Variants in STXBP2 observed in about 807,000 individuals in gnomAD.
STXBP2 encodes syntaxin binding protein 2.
Under a neutral mutation model 72.2 loss-of-function variants are expected in STXBP2, and 47 were observed. That is an observed-to-expected ratio of 0.65 (90% CI 0.51 to 0.83). STXBP2 has a LOEUF of 0.83. Ranked by LOEUF, STXBP2 falls within the 40% of genes least tolerant of loss-of-function variation. The pLI, the probability that STXBP2 is intolerant of heterozygous loss-of-function variation, is 0.00. For synonymous variants in STXBP2, 367 were observed against 338.7 expected, an observed-to-expected ratio of 1.08 and a Z score of -0.92; for missense variants, 702 against 807.6, an observed-to-expected ratio of 0.87 and a Z score of 1.58.
intron 14 of STXBP2, 42 bp downstream of exon 14, chr19:7,644,794 A>G (rs1399083420): frequency 1.2e-6 from 2 of 1,612,732 alleles, no homozygotes; most frequent in Non-Finnish European, 1.7e-6. Context: ...CCCATTTGCC[A>G]GCGTCTCCCA....
rs1355022750 is a variant in STXBP2 at position 7,639,008 on chromosome 19, C to T, written c.88-11C>T. On this transcript the variant is annotated splice_polypyrimidine_tract_variant and intron_variant, in intron 2 of 18. Coordinates refer to ENST00000221283, the MANE Select transcript of STXBP2 (RefSeq NM_006949.4). ...CTGCTCCTCCATCCATCTGTCCATC[C>T]ATCTGGACAGGTGCTTATCATGGAT... The T allele has an allele frequency of 2.5e-6, 4 of 1,613,634 alleles. No individual in the cohort carries two copies. The highest frequency in any genetic ancestry group is 1.3e-5 in the African/African-American group (1 of 75,040).
chr19:7,630,119 G>T, the STXBP2 span: 1 of 491,700 alleles, frequency 2.0e-6, no homozygotes, highest in Non-Finnish European at 3.6e-6. Flanking sequence ...GAGCTGAGAA[G>T]GGGGCTCTAA....
chr19:7,632,228 G>A (rs1027720056), upstream of STXBP2, among the ~76,000 whole-genome samples: 1 of 152,160 alleles, frequency 6.6e-6, no homozygotes, highest in African/African-American at 2.4e-5. The surrounding 1 kb of genome is among the most constrained non-coding windows in gnomAD (Gnocchi z 5.2). Context: ...GTATAACCTT[G>A]GGCCCCTCTA....
chr19:7,644,605 T>G lies in STXBP2; in HGVS notation c.1108-9T>G. On this transcript the variant is annotated splice_polypyrimidine_tract_variant and intron_variant, in intron 13 of 18. Coordinates refer to ENST00000221283, the MANE Select transcript of STXBP2 (RefSeq NM_006949.4). ...AGCGGCCGGTGGACGGCTGACCCCA[T>G]GCCCGCAGGACCTGGCCATGGGCTC... 2.5e-6 allele frequency: 4 copies of G among 1,611,584 alleles called. No individual in the cohort carries two copies. Among genetic ancestry groups the G allele is most frequent in the Non-Finnish European group, 3.4e-6 (4 of 1,179,742 alleles).
At chr19:7,646,037 C>G (rs2032121522) in intron 15 of STXBP2, 3 of 597,054 alleles carry the variant, frequency 5.0e-6, no homozygotes, top group Non-Finnish European at 9.0e-6. Context: ...CTGGCTCGCT[C>G]TCTCTCCCTT....
rs765082151 is a variant in STXBP2, at chr19:7,640,313, CATCTGTGTGT to C, written c.247-417_247-408del. 64 of 510,442 alleles carry C rather than the reference CATCTGTGTGT, an allele frequency of 1.3e-4. 1 individual carries two copies. Among genetic ancestry groups the C allele is most frequent in the South Asian group, 9.8e-4 (61 of 62,208 alleles). The allele number at this position is 510,442 out of a possible 1,614,324, so 31.6% of individuals were successfully genotyped here. A position where few individuals can be genotyped will look rare whatever the true frequency, so the allele number is the denominator to read the frequency against. ...GTGCATGTGTCTATGTATGTGTGTGCATCTGTGTGTGCGTGTGTATGCGTGTGTGTATGCG... is the reference window on the plus strand; with the variant it reads ...GTGCATGTGTCTATGTATGTGTGTGCGCGTGTGTATGCGTGTGTGTATGCG... On this transcript the variant is annotated intron_variant, in intron 4 of 18. Transcript: ENST00000221283.
rs748808541 is a variant in STXBP2, at chr19:7,647,718, T to G, written c.1697-7T>G. On this transcript the variant is annotated splice_region_variant and splice_polypyrimidine_tract_variant and intron_variant, in intron 18 of 18. Transcript: ENST00000221283. The stretch of plus-strand genomic sequence containing the variant: ...AACATCTTCCCCAAACCTCTGCCCC[T>G]GCACAGGCTCCTCACACATCCTCAC... The G allele has an allele frequency of 1.2e-6, 2 of 1,613,912 alleles. No individual in the cohort carries two copies.
At chr19:7,645,644 C>T (rs1463301021) in intron 15 of STXBP2, among the ~76,000 whole-genome samples, 1 of 151,880 alleles carries the variant, frequency 6.6e-6, no homozygotes, top group African/African-American at 2.4e-5. Context: ...ATCTGGGCTC[C>T]CAGGGGTCTC....
chr19:7,632,430 A>T (rs2031354593), upstream of STXBP2: 1 of 1,613,550 alleles, frequency 6.2e-7, no homozygotes, highest in Admixed American at 1.7e-5. The surrounding 1 kb of genome is among the most constrained non-coding windows in gnomAD (Gnocchi z 5.2). Context: ...CAGGCTGCTG[A>T]CTGTCACACG....
chr19:7,647,154 G>C lies in STXBP2; in HGVS notation c.1453-8G>C, dbSNP rs1452988617. ...GGTTCCTCCCCTAACCTGCCTCTCG[G>C]CCGCCAGGACGCCGTGGAGGACCGG... On this transcript the variant is annotated splice_polypyrimidine_tract_variant and splice_region_variant and intron_variant, in intron 16 of 18. Transcript: ENST00000221283. The C allele has an allele frequency of 5.0e-6, 8 of 1,611,298 alleles. No individual in the cohort carries two copies. The highest frequency in any genetic ancestry group is 6.8e-6 in the Non-Finnish European group (8 of 1,179,894).
chr19:7,631,513 G>C, the STXBP2 span: 3 of 1,536,104 alleles, frequency 2.0e-6, no homozygotes, highest in African/African-American at 2.7e-5. Flanking sequence ...TTACGGAAGC[G>C]GCGGGAGGAG....
upstream of STXBP2, among the ~76,000 whole-genome samples, chr19:7,635,325 T>C (rs974369543): frequency 6.6e-6 from 1 of 152,218 alleles, no homozygotes; most frequent in Admixed American, 6.5e-5. Context: ...CCAAAAATAC[T>C]GAAAGCCATT....
chr19:7,629,918 G>A, the STXBP2 span: 8 of 1,471,366 alleles, frequency 5.4e-6, no homozygotes, highest in African/African-American at 9.9e-5. Flanking sequence ...TGGATCTGAA[G>A]ATGAGGTTGG....
At chr19:7,633,000 G>T (rs1253073303), upstream of STXBP2, 42 of 678,612 alleles carry the variant, frequency 6.2e-5, no homozygotes, top group Middle Eastern at 3.5e-4. This position sits in a 1 kb window ranked among gnomAD's most constrained non-coding sequence, Gnocchi z 5.2. Context: ...AATGAGACAT[G>T]AGTCTCCTTC....
In STXBP2 at chr19:7,643,186, G is replaced by A. The variant is rs750396872; in HGVS notation, c.1048G>A (p.Ala350Thr). Residue 350 changes from alanine (A) to threonine (T), a missense_variant, in exon 13 of 19, where the codon GCA becomes ACA. Physicochemically the swap from Ala to Thr is moderately conservative, Grantham distance 58. Coordinates refer to ENST00000221283, the MANE Select transcript of STXBP2 (RefSeq NM_006949.4). ...LNKYSTHLHL[A>T]DDCMKHFKGS... Reference sequence around the variant, plus strand: ...GCAGTATTCTACGCACCTGCATCTAGCAGATGATTGTATGAAGCACTTCAA... The same window carrying A: ...GCAGTATTCTACGCACCTGCATCTAACAGATGATTGTATGAAGCACTTCAA... The A allele has an allele frequency of 6.2e-7, 1 of 1,614,120 alleles. No homozygotes were observed. Among genetic ancestry groups the A allele is most frequent in the East Asian group, 2.2e-5 (1 of 44,890 alleles).
chr19:7,647,282 G>T lies in STXBP2; in HGVS notation c.1538+35G>T, dbSNP rs376465609. 1.8e-4 allele frequency: 292 copies of T among 1,611,040 alleles called. 1 individual carries two copies. The highest frequency in any genetic ancestry group is 2.3e-4 in the Non-Finnish European group (270 of 1,179,514). ...CGGGGCCGCCCCCGCCCACGCCTGG[G>T]TCTGTGTTAGGTGGGCGGCCTGGCG... On this transcript the variant is annotated intron_variant, in intron 17 of 18. Coordinates refer to ENST00000221283, the MANE Select transcript of STXBP2 (RefSeq NM_006949.4).
intron 14 of STXBP2, 22 bp from the exon 15 acceptor site, chr19:7,645,175 C>G: frequency 6.4e-7 from 1 of 1,552,418 alleles, no homozygotes; most frequent in African/African-American, 1.4e-5. Flanking sequence ...CCGCCTCCAC[C>G]CTGCCCATTC....
At position 7,642,280 on chromosome 19, in the gene STXBP2, C is replaced by G. The variant is rs780396326; in HGVS notation, c.741C>G (p.Leu247=). ...ADPVSPLLHE[L]TFQAMAYDLL... is the part of the protein sequence containing the mutation. Reference sequence around the variant, plus strand: ...CCGTGTCCCCACTACTGCATGAGCTCACGTTCCAGGCCATGGCGTATGATC... The same window carrying G: ...CCGTGTCCCCACTACTGCATGAGCTGACGTTCCAGGCCATGGCGTATGATC... The change falls in exon 9 of 19, where the codon CTC becomes CTG. Residue 247 remains leucine (L), a synonymous_variant. Coordinates refer to ENST00000221283, the MANE Select transcript of STXBP2 (RefSeq NM_006949.4). The surrounding 1 kb of genome is among the most constrained non-coding windows in gnomAD (Gnocchi z 6.0). 10 of 1,614,034 alleles carry G rather than the reference C, an allele frequency of 6.2e-6. No individual in the cohort carries two copies. In the East Asian group the frequency reaches 2.2e-4, roughly 36 times the overall value.
chr19:7,642,570 C>T lies in STXBP2; in HGVS notation c.902+34C>T. On this transcript the variant is annotated intron_variant, in intron 10 of 18. Transcript: ENST00000221283. This position sits in a 1 kb window ranked among gnomAD's most constrained non-coding sequence, Gnocchi z 6.0. ...ACACGGGGACCGGATCCCCCCCCCA[C>T]CGCCCACTGTGGGCCTGGTAGCGGC... 2.5e-6 allele frequency: 4 copies of T among 1,606,160 alleles called. No homozygotes were observed. Among genetic ancestry groups the T allele is most frequent in the Non-Finnish European group, 2.6e-6 (3 of 1,173,600 alleles).
Sources: gnomAD v4.1 joint callset for allele counts (sites outside exome capture counted in the v4.1 genomes callset) on GRCh38, gnomAD v4.1.1 for gene constraint, Gnocchi (gnomAD v3.1) non-coding constraint, MANE v1.5 for transcripts, NCBI Gene and HGNC (gene_info 2026-07-23, HGNC 2026-07-21) for gene names.